RPRD1B: variants seen among roughly 807,000 people sequenced by gnomAD.
RPRD1B encodes regulation of nuclear pre-mRNA domain containing 1B.
Under a neutral mutation model 41.5 loss-of-function variants are expected in RPRD1B, and 11 were observed. The observed-to-expected ratio is 0.27, with a 90% confidence interval of 0.17 to 0.44. RPRD1B has a LOEUF of 0.44. RPRD1B is among the 20% of genes least tolerant of loss of function. RPRD1B has a pLI of 1.00. For missense variants in RPRD1B, 248 were observed against 389.9 expected (o/e 0.64, Z 3.06); for synonymous variants, 158 against 155.6 (o/e 1.02, Z -0.12).
chr20:38,089,906 T>C lies in RPRD1B; in HGVS notation c.*31T>C, dbSNP rs752452721. 6.2e-7 allele frequency: 1 copy of C among 1,605,676 alleles called. No homozygotes were observed. Among genetic ancestry groups the C allele is most frequent in the Non-Finnish European group, 8.5e-7 (1 of 1,176,076 alleles). On this transcript the variant is annotated 3_prime_UTR_variant, in exon 7 of 7. Coordinates refer to ENST00000373433, the MANE Select transcript of RPRD1B (RefSeq NM_021215.4). ...GTGTCATGTCCCAGATTTCTGTTTGTACCAGCAGAAAGAAGAGGGCAAGTC... is the reference window on the plus strand; with the variant it reads ...GTGTCATGTCCCAGATTTCTGTTTGCACCAGCAGAAAGAAGAGGGCAAGTC...
chr20:38,070,848 C>T (rs1855367248), intron 6 of RPRD1B: 1 of 489,466 alleles, frequency 2.0e-6, no homozygotes, highest in South Asian at 9.1e-5. Context: ...TCTCGTGCCT[C>T]AGCCTCCCGA....
intron 5 of RPRD1B, among the ~76,000 whole-genome samples, chr20:38,060,549 T>C (rs182357526): frequency 6.6e-6 from 1 of 152,224 alleles, no homozygotes; most frequent in East Asian, 1.9e-4. Flanking sequence ...GCCTTTCTGA[T>C]GAGATGACCT....
At position 38,040,447 on chromosome 20, in the gene RPRD1B, GA is replaced by G; in HGVS notation, c.167del (p.Lys56SerfsTer7). On this transcript the variant is annotated frameshift_variant, in exon 2 of 7. Coordinates refer to ENST00000373433, the MANE Select transcript of RPRD1B (RefSeq NM_021215.4). LOFTEE classifies it high-confidence loss of function. Reference sequence around the variant, plus strand: ...TTCTTTTTTTCAGCCAAATCAAATAGAAAGCTTACTTTTCTGTATTTAGCGA... The same window carrying G: ...TTCTTTTTTTCAGCCAAATCAAATAGAAGCTTACTTTTCTGTATTTAGCGA... ...HRELRKAKSNRKLTFLYLAND... is the reference protein window; with the variant it reads ...HRELRKAKSNXKLTFLYLAND... 1 of 1,582,750 alleles carries G rather than the reference GA, an allele frequency of 6.3e-7. No homozygotes were observed. Among genetic ancestry groups the G allele is most frequent in the Non-Finnish European group, 8.5e-7 (1 of 1,169,806 alleles).
chr20:38,043,219 A>G (rs896416884), intron 2 of RPRD1B, among the ~76,000 whole-genome samples: 1 of 152,220 alleles, frequency 6.6e-6, no homozygotes, highest in Non-Finnish European at 1.5e-5. Flanking sequence ...AGGAAATGAC[A>G]TTTGCGGTAA....
chr20:38,054,822 T>C (rs1349546231), intron 3 of RPRD1B, among the ~76,000 whole-genome samples: 1 of 152,192 alleles, frequency 6.6e-6, no homozygotes, highest in Non-Finnish European at 1.5e-5. Context: ...TATAAAAAAT[T>C]TTGAAGTTTG....
intron 2 of RPRD1B, among the ~76,000 whole-genome samples, chr20:38,046,815 C>T (rs1278226641): frequency 1.3e-5 from 2 of 152,112 alleles, no homozygotes; most frequent in Non-Finnish European, 2.9e-5. Flanking sequence ...GAAATAACAG[C>T]TGGGTTGGGA....
intron 6 of RPRD1B, 89 bp from the exon 7 acceptor site, chr20:38,089,637 G>A (rs1174926154): frequency 3.7e-5 from 39 of 1,064,344 alleles, no homozygotes; most frequent in Non-Finnish European, 4.8e-5. Context: ...GGAAGAACAC[G>A]AGGACGAGAG....
Position 38,034,005 on chromosome 20 carries a change from C to G in RPRD1B, c.58C>G (p.Gln20Glu). Residue 20 changes from glutamine (Q) to glutamate (E), a missense_variant, in exon 1 of 7, where the codon CAG (glutamine) becomes GAG (glutamate). Gln to Glu is a conservative substitution (Grantham distance 29, BLOSUM62 2). Transcript: ENST00000373433. ...GAAGCTCTCGGAGCTGAGCAACTCT[C>G]AGCAGAGCGTGCAGACCCTGTCCCT... ...EKKLSELSNSQQSVQTLSLWL... is the reference protein window; with the variant it reads ...EKKLSELSNSEQSVQTLSLWL... The G allele has an allele frequency of 6.2e-7, 1 of 1,614,194 alleles. No homozygotes were observed. Among genetic ancestry groups the G allele is most frequent in the Non-Finnish European group, 8.5e-7 (1 of 1,180,012 alleles).
intron 6 of RPRD1B, among the ~76,000 whole-genome samples, chr20:38,066,822 A>G (rs2074362277): frequency 6.6e-6 from 1 of 151,886 alleles, no homozygotes; most frequent in Non-Finnish European, 1.5e-5. Context: ...CGCCTGGCTA[A>G]TTTTTTGTAT....
At chr20:38,070,478 G>A in intron 6 of RPRD1B, 2 of 985,556 alleles carry the variant, frequency 2.0e-6, no homozygotes, top group Non-Finnish European at 2.4e-6. Context: ...TTCACTTCCA[G>A]AGCAAAGAGA....
chr20:38,064,866 C>G (rs1272047951), intron 5 of RPRD1B, among the ~76,000 whole-genome samples: 1 of 151,862 alleles, frequency 6.6e-6, no homozygotes, highest in Non-Finnish European at 1.5e-5. Flanking sequence ...GGGGCCTGTA[C>G]TCCCAGCTAC....
At chr20:38,079,612 T>C (rs2074495723) in intron 6 of RPRD1B, among the ~76,000 whole-genome samples, 1 of 152,238 alleles carries the variant, frequency 6.6e-6, no homozygotes, top group Admixed American at 6.5e-5. Flanking sequence ...ATTTTCTTTA[T>C]CCAGTCTACT....
chr20:38,033,822 C>T lies in RPRD1B; in HGVS notation c.-126C>T. ...CCATCCCCTCCCCCTTCTCGCACCC[C>T]TGGCAGTCTGTCAGTCGGTAAAAAG... On this transcript the variant is annotated 5_prime_UTR_variant, in exon 1 of 7. Transcript: ENST00000373433. 2 of 961,712 alleles carry T rather than the reference C, an allele frequency of 2.1e-6. No homozygotes were observed. Among genetic ancestry groups the T allele is most frequent in the South Asian group, 3.4e-5 (2 of 58,300 alleles). The allele number at this position is 961,712 out of a possible 1,614,324, so 59.6% of individuals were successfully genotyped here.
intron 1 of RPRD1B, among the ~76,000 whole-genome samples, chr20:38,039,877 G>T (rs1002809010): frequency 1.3e-5 from 2 of 151,658 alleles, no homozygotes; most frequent in African/African-American, 4.9e-5. Context: ...GGGACTACAG[G>T]TGCCCACCAT....
chr20:38,043,136 A>G (rs2074084315), intron 2 of RPRD1B, among the ~76,000 whole-genome samples: 1 of 152,234 alleles, frequency 6.6e-6, no homozygotes, highest in African/African-American at 2.4e-5. Context: ...GAGCAGGACA[A>G]TATGGACATA....
Position 38,091,669 on chromosome 20 carries a change from C to T in RPRD1B, c.*1794C>T, listed in dbSNP as rs946825674. On this transcript the variant is annotated 3_prime_UTR_variant, in exon 7 of 7. Coordinates refer to ENST00000373433, the MANE Select transcript of RPRD1B (RefSeq NM_021215.4). ...CGTGGTGTGCTGCTTTCTAGATGAG[C>T]GTGTTTTGGAGCAGGCCCATCTGGG... 2 of 985,574 alleles carry T rather than the reference C, an allele frequency of 2.0e-6. No individual in the cohort carries two copies. The highest frequency in any genetic ancestry group is 4.7e-5 in the South Asian group (1 of 21,284). The allele number at this position is 985,574 out of a possible 1,614,324, so 61.1% of individuals were successfully genotyped here.
chr20:38,061,709 C>T (rs2074299412), intron 5 of RPRD1B, among the ~76,000 whole-genome samples: 1 of 152,234 alleles, frequency 6.6e-6, no homozygotes, highest in African/African-American at 2.4e-5. Context: ...CCCGTCCTCC[C>T]AGTTGCTGAT....
chr20:38,050,022 A>T (rs1231575699), intron 3 of RPRD1B, among the ~76,000 whole-genome samples: 1 of 152,138 alleles, frequency 6.6e-6, no homozygotes, highest in East Asian at 1.9e-4. Flanking sequence ...TGATGAACTC[A>T]TTCTCCAAGA....
rs1600677580 is a variant in RPRD1B, at chr20:38,040,556, T to C, written c.273T>C (p.His91=). 2 of 1,598,634 alleles carry C rather than the reference T, an allele frequency of 1.3e-6. No individual in the cohort carries two copies. Among genetic ancestry groups the C allele is most frequent in the East Asian group, 2.3e-5 (1 of 44,232 alleles). Residue 91 remains histidine, a synonymous_variant, in exon 2 of 7, where the codon CAT becomes CAC. Transcript: ENST00000373433. The part of the protein sequence containing the change: ...FESVLVDAFS[H]VAREADEGCK... ...CTGTCCTTGTGGATGCTTTTTCTCA[T>C]GTTGCCAGGTATGTTGTCTGTTTTT...
Sources: allele counts gnomAD v4.1 joint callset (sites outside exome capture counted in the v4.1 genomes callset), GRCh38; gene constraint gnomAD v4.1.1; transcripts MANE v1.5; gene names NCBI Gene and HGNC (gene_info 2026-07-23, HGNC 2026-07-21).